ERGIC1: variants seen among roughly 807,000 people sequenced by gnomAD.
The protein encoded by ERGIC1 is endoplasmic reticulum-Golgi intermediate compartment protein 1.
Under a neutral mutation model 38.3 loss-of-function variants are expected in ERGIC1, and 19 were observed. That is an observed-to-expected ratio of 0.50 (90% CI 0.35 to 0.73). The LOEUF (loss-of-function observed/expected upper bound fraction) is 0.73, where lower values mean the gene tolerates loss of function less well. Among genes scored for constraint, ERGIC1 ranks in the 30% least tolerant of loss-of-function variants. The probability of loss-of-function intolerance (pLI) is 0.01; values close to 1 mark genes in which losing one functional copy is unlikely to be tolerated. For missense variants in ERGIC1, 294 were observed against 389.2 expected (o/e 0.76, Z 2.06); for synonymous variants, 124 against 157.6 (o/e 0.79, Z 1.60).
At chr5:172,870,987 G>A (rs892021090) in intron 1 of ERGIC1, among the ~76,000 whole-genome samples, 2 of 152,238 alleles carry the variant, frequency 1.3e-5, no homozygotes, top group Admixed American at 1.3e-4. Flanking sequence ...AGATGCGTAA[G>A]ACAACCTCCT....
At chr5:172,929,991 G>C (rs995508673) in intron 7 of ERGIC1, among the ~76,000 whole-genome samples, 1 of 152,020 alleles carries the variant, frequency 6.6e-6, no homozygotes, top group African/African-American at 2.4e-5. Flanking sequence ...TTCAAGACCA[G>C]CCTGGCCAAG....
At chr5:172,881,563 C>A (rs1762284799) in intron 1 of ERGIC1, among the ~76,000 whole-genome samples, 1 of 152,160 alleles carries the variant, frequency 6.6e-6, no homozygotes, top group Admixed American at 6.5e-5. Flanking sequence ...ATAATCCGTC[C>A]TTTAGCTTTC....
chr5:172,915,899 C>G lies in ERGIC1; in HGVS notation c.375+1061C>G, dbSNP rs111606826. The G allele has an allele frequency of 9.0e-3, 2,609 of 288,542 alleles. 11 individuals are homozygous for G. Among genetic ancestry groups the G allele is most frequent in the African/African-American group, 0.015 (684 of 44,884 alleles). 17.9% of individuals were successfully genotyped at this position (288,542 alleles called of 1,614,324 possible). A position where few individuals can be genotyped will look rare whatever the true frequency, so the allele number is the denominator to read the frequency against. On this transcript the variant is annotated intron_variant, in intron 5 of 9. Coordinates refer to ENST00000393784, the MANE Select transcript of ERGIC1 (RefSeq NM_001031711.3). ...GGGGTTGCAAAGTCACTGGCCACAT[C>G]CAGCCCAAAGATAAATTTTGTTTGT...
intron 2 of ERGIC1, among the ~76,000 whole-genome samples, chr5:172,896,406 C>T (rs986524754): frequency 2.0e-5 from 3 of 152,154 alleles, no homozygotes; most frequent in East Asian, 1.9e-4. Context: ...CTTGAAGCAC[C>T]GCTGTCTATA....
intron 7 of ERGIC1, among the ~76,000 whole-genome samples, chr5:172,930,829 G>A (rs1479494692): frequency 6.6e-6 from 1 of 152,116 alleles, no homozygotes; most frequent in African/African-American, 2.4e-5. Flanking sequence ...GGATGCTCCT[G>A]GAAAGAGGTC....
intron 1 of ERGIC1, among the ~76,000 whole-genome samples, chr5:172,844,626 T>C (rs1761240442): frequency 1.3e-5 from 2 of 152,186 alleles, no homozygotes. Context: ...TCAATTTCTT[T>C]GGGCACAGGC....
intron 1 of ERGIC1, among the ~76,000 whole-genome samples, chr5:172,860,736 T>G (rs778253338): frequency 6.6e-6 from 1 of 152,212 alleles, no homozygotes; most frequent in African/African-American, 2.4e-5. Flanking sequence ...TGAGTCCTTT[T>G]GGAGCTGCAG....
At chr5:172,842,163 C>T (rs1488684512) in intron 1 of ERGIC1, among the ~76,000 whole-genome samples, 3 of 152,204 alleles carry the variant, frequency 2.0e-5, no homozygotes, top group African/African-American at 7.2e-5. Flanking sequence ...TCTGCCTCAG[C>T]CTCCCAAGTA....
At position 172,906,461 on chromosome 5, in the gene ERGIC1, T is replaced by C. The variant is rs149854060; in HGVS notation, c.156-3206T>C. ...AGTAGGCCTCCCCCAGCTTAACGAG[T>C]GGAGGCCCATCTGTTGCACTCTTGT... On this transcript the variant is annotated intron_variant, in intron 3 of 9. Transcript: ENST00000393784. Among the ~76,000 whole-genome samples the C allele has an allele frequency of 5.5e-3, 832 of 152,062 alleles. 3 individuals are homozygous for C. The highest frequency in any genetic ancestry group is 0.012 in the African/African-American group (509 of 41,490).
At chr5:172,938,232 C>T (rs964195744) in intron 9 of ERGIC1, among the ~76,000 whole-genome samples, 1 of 152,194 alleles carries the variant, frequency 6.6e-6, no homozygotes, top group Non-Finnish European at 1.5e-5. Flanking sequence ...CTTACTGCAG[C>T]TCTCCTACTC....
At position 172,834,419 on chromosome 5, in the gene ERGIC1, C is replaced by T. The variant is rs1251956707; in HGVS notation, c.6C>T (p.Pro2=). The change falls in exon 1 of 10, where the codon CCC becomes CCT. Residue 2 remains proline (P), a synonymous_variant. Transcript: ENST00000393784. This position sits in a 1 kb window ranked among gnomAD's most constrained non-coding sequence, Gnocchi z 4.1. ...CCACCCCCGGCGGCGGCACGATGCC[C>T]TTTGACTTCAGGAGGTGAGTGTGGC... M[P]FDFRRFDIYR... 11 of 1,342,622 alleles carry T rather than the reference C, an allele frequency of 8.2e-6. No homozygotes were observed. Among genetic ancestry groups the T allele is most frequent in the Non-Finnish European group, 1.1e-5 (11 of 1,042,970 alleles). The allele number at this position is 1,342,622 out of a possible 1,614,324, so 83.2% of individuals were successfully genotyped here.
At chr5:172,903,938 G>A (rs1226262837) in intron 3 of ERGIC1, among the ~76,000 whole-genome samples, 2 of 147,302 alleles carry the variant, frequency 1.4e-5, no homozygotes, top group African/African-American at 2.5e-5. Flanking sequence ...GTGTGGAATC[G>A]GCCCTCAAGA....
At chr5:172,880,687 CT>C (rs1400135898) in intron 1 of ERGIC1, among the ~76,000 whole-genome samples, 1 of 152,230 alleles carries the variant, frequency 6.6e-6, no homozygotes, top group African/African-American at 2.4e-5. Context: ...CACACCTCTT[CT>C]TGAGGCTTTG....
At chr5:172,857,186 A>G (rs1474375569) in intron 1 of ERGIC1, among the ~76,000 whole-genome samples, 1 of 152,218 alleles carries the variant, frequency 6.6e-6, no homozygotes, top group Non-Finnish European at 1.5e-5. Context: ...TTGAAGCCTC[A>G]GTTTCCTCAT....
intron 5 of ERGIC1, chr5:172,921,601 A>T (rs1180143510): frequency 6.6e-6 from 1 of 152,200 alleles, no homozygotes; most frequent in Non-Finnish European, 1.5e-5. Context: ...CAGCTCGCAC[A>T]GTCTTCTTCA....
In ERGIC1 at chr5:172,926,610, C is replaced by A; in HGVS notation, c.541+41C>A. On this transcript the variant is annotated intron_variant, in intron 7 of 9. Transcript: ENST00000393784. The surrounding 1 kb of genome is among the most constrained non-coding windows in gnomAD (Gnocchi z 5.2). ...GGGAACAGCCTTCTGCTCCAAGATG[C>A]CCAGTACAGCAGGCAGGGAGGGGGA... 1 of 1,604,374 alleles carries A rather than the reference C, an allele frequency of 6.2e-7. No homozygotes were observed.
intron 3 of ERGIC1, among the ~76,000 whole-genome samples, chr5:172,899,988 G>A (rs1057134317): frequency 1.4e-4 from 22 of 152,270 alleles, no homozygotes; most frequent in African/African-American, 4.1e-4. Context: ...AGGCCGCTCC[G>A]CACCAGGCAT....
intron 1 of ERGIC1, among the ~76,000 whole-genome samples, chr5:172,886,228 C>T (rs1019122978): frequency 6.6e-6 from 1 of 152,172 alleles, no homozygotes; most frequent in African/African-American, 2.4e-5. Context: ...CCCTGCACAT[C>T]GGGCTGTACC....
At chr5:172,874,700 G>T (rs542405839) in intron 1 of ERGIC1, among the ~76,000 whole-genome samples, 23 of 152,214 alleles carry the variant, frequency 1.5e-4, no homozygotes, top group African/African-American at 4.8e-4. Flanking sequence ...GCTGAGGCAG[G>T]CAGATTGCTT....
Sources: gnomAD v4.1 joint callset for allele counts (sites outside exome capture counted in the v4.1 genomes callset) on GRCh38, gnomAD v4.1.1 for gene constraint, Gnocchi (gnomAD v3.1) non-coding constraint, MANE v1.5 for transcripts, NCBI Gene and HGNC (gene_info 2026-07-23, HGNC 2026-07-21) for gene names.